The following KCNQ1 variants were observed in gnomAD, a reference collection of about 807,000 sequenced individuals.
KCNQ1 encodes the protein potassium voltage-gated channel subfamily KQT member 1.
In KCNQ1, 49 loss-of-function variants were observed where a neutral mutation model predicts 72.4. The ratio of observed to expected loss-of-function variants is 0.68; its 90% CI spans 0.54 to 0.86. The LOEUF (loss-of-function observed/expected upper bound fraction) is 0.86, where lower values mean the gene tolerates loss of function less well. KCNQ1 is among the 40% of genes least tolerant of loss of function. KCNQ1 has a pLI of 0.00. For synonymous variants in KCNQ1, 450 were observed against 412.6 expected (o/e 1.09, Z -1.10); for missense variants, 790 against 945.1 (o/e 0.84, Z 2.15).
chr11:2,814,300 T>C (rs72844289), intron 15 of KCNQ1, among the ~76,000 whole-genome samples: 4,084 of 142,624 alleles, frequency 0.029, 76 homozygotes, highest in Middle Eastern at 0.058. Context: ...GATGGATGGA[T>C]GGATAGATGG....
At chr11:2,551,429 C>T (rs1847982304) in intron 2 of KCNQ1, among the ~76,000 whole-genome samples, 1 of 152,254 alleles carries the variant, frequency 6.6e-6, no homozygotes, top group Non-Finnish European at 1.5e-5. Flanking sequence ...GTCATGGTCT[C>T]TGCATTCAGC....
intron 1 of KCNQ1, among the ~76,000 whole-genome samples, chr11:2,522,139 G>A (rs997911487): frequency 8.5e-5 from 13 of 152,252 alleles, no homozygotes; most frequent in African/African-American, 3.1e-4. Context: ...CCTATTTGCT[G>A]TCAAGGGGAA....
At chr11:2,503,069 A>G (rs760742600) in intron 1 of KCNQ1, among the ~76,000 whole-genome samples, 3 of 152,252 alleles carry the variant, frequency 2.0e-5, no homozygotes, top group African/African-American at 4.8e-5. Flanking sequence ...TAAGACTTCA[A>G]ACTATGAAAC....
chr11:2,789,732 G>A (rs1846981928), intron 15 of KCNQ1, among the ~76,000 whole-genome samples: 1 of 152,238 alleles, frequency 6.6e-6, no homozygotes, highest in Non-Finnish European at 1.5e-5. Flanking sequence ...TCCACCATGA[G>A]TTCTCGCTTT....
chr11:2,632,725 C>A, intron 10 of KCNQ1: 1 of 398,328 alleles, frequency 2.5e-6, no homozygotes, highest in South Asian at 1.3e-4. Flanking sequence ...TATCCAAGTT[C>A]ATCCATGTTG....
chr11:2,777,611 C>T (rs1564889740), intron 14 of KCNQ1: 5 of 516,696 alleles, frequency 9.7e-6, no homozygotes, highest in Admixed American at 8.0e-5. Flanking sequence ...GCTGGTGTAA[C>T]GGAGCAGCGG....
rs1257806145 is a variant in KCNQ1, at chr11:2,769,624, G to C, written c.1590+705G>C. 6.6e-6 allele frequency among the ~76,000 whole-genome samples: 1 copy of C among 152,210 alleles called. No homozygotes were observed. The highest frequency in any genetic ancestry group is 6.5e-5 in the Admixed American group (1 of 15,284). Reference sequence around the variant, plus strand: ...ATTCCTCGGATGAAGGCGGTGGTGGGGGGTACTGAGTCCTGGCTTGGAAAT... The same window carrying C: ...ATTCCTCGGATGAAGGCGGTGGTGGCGGGTACTGAGTCCTGGCTTGGAAAT... On this transcript the variant is annotated intron_variant, in intron 12 of 15. Transcript: ENST00000155840. This position sits in a 1 kb window ranked among gnomAD's most constrained non-coding sequence, Gnocchi z 4.6.
intron 11 of KCNQ1, among the ~76,000 whole-genome samples, chr11:2,719,988 C>T (rs567461120): frequency 2.4e-4 from 36 of 152,346 alleles, no homozygotes; most frequent in Non-Finnish European, 4.0e-4. Flanking sequence ...CACGCCTGGG[C>T]GGAGGTGGAG....
chr11:2,455,288 C>T (rs188338715), intron 1 of KCNQ1, among the ~76,000 whole-genome samples: 21 of 152,016 alleles, frequency 1.4e-4, no homozygotes, highest in African/African-American at 2.2e-4. Flanking sequence ...TTAGTAGAGA[C>T]GGGGTTTCAC....
rs1851003013 is a variant in KCNQ1, at chr11:2,711,396, A to G, written c.1514+49315A>G. ...CTAATTGTTGCCCAAGTCTTTGCAC[A>G]TCCTGCATCCTGCCTGGAGTGTTCT... is the stretch of plus-strand genomic sequence containing the variant. On this transcript the variant is annotated intron_variant, in intron 11 of 15. Coordinates refer to ENST00000155840, the MANE Select transcript of KCNQ1 (RefSeq NM_000218.3). This position sits in a 1 kb window ranked among gnomAD's most constrained non-coding sequence, Gnocchi z 5.4. 6.6e-6 allele frequency among the ~76,000 whole-genome samples: 1 copy of G among 152,102 alleles called. No individual in the cohort carries two copies. Among genetic ancestry groups the G allele is most frequent in the Admixed American group, 6.5e-5 (1 of 15,268 alleles).
chr11:2,820,028 C>T (rs192725362), intron 15 of KCNQ1, among the ~76,000 whole-genome samples: 100 of 152,266 alleles, frequency 6.6e-4, no homozygotes, highest in African/African-American at 2.2e-3. Context: ...TTCAAACAAC[C>T]TGCATTTGGT....
At chr11:2,449,911 C>T (rs1432410003) in intron 1 of KCNQ1, among the ~76,000 whole-genome samples, 2 of 152,112 alleles carry the variant, frequency 1.3e-5, no homozygotes, top group East Asian at 1.9e-4. Flanking sequence ...AACAGGGCAG[C>T]GGGTCCAGGG....
intron 15 of KCNQ1, among the ~76,000 whole-genome samples, chr11:2,786,292 G>A (rs234873): frequency 0.5 from 75,279 of 151,860 alleles, 18,902 homozygotes; most frequent in Middle Eastern, 0.57. Context: ...CACTGTTACC[G>A]TTGAGAATGA....
At position 2,652,116 on chromosome 11, in the gene KCNQ1, T is replaced by A. The variant is rs564129805; in HGVS notation, c.1394-9845T>A. ...CCCCAGTTCTGGCCTGGCTGGGAGG[T>A]GGCCTGGGAAGGGACCTGTGTTTCT... On this transcript the variant is annotated intron_variant, in intron 10 of 15. Coordinates refer to ENST00000155840, the MANE Select transcript of KCNQ1 (RefSeq NM_000218.3). The surrounding 1 kb of genome is among the most constrained non-coding windows in gnomAD (Gnocchi z 5.9). 28 of 398,572 alleles carry A rather than the reference T, an allele frequency of 7.0e-5. No homozygotes were observed. In the Admixed American group the frequency reaches 1.2e-3, roughly 17 times the overall value. 24.7% of individuals were successfully genotyped at this position (398,572 alleles called of 1,614,324 possible).
At chr11:2,633,947 G>A (rs145710885) in intron 10 of KCNQ1, 31 of 398,546 alleles carry the variant, frequency 7.8e-5, no homozygotes, top group East Asian at 1.8e-4. Flanking sequence ...GAAAATCCAC[G>A]TATAAATGAA....
At position 2,536,735 on chromosome 11, in the gene KCNQ1, C is replaced by T. The variant is rs531720264; in HGVS notation, c.477+8717C>T. 1.9e-4 allele frequency among the ~76,000 whole-genome samples: 28 copies of T among 150,962 alleles called. No individual in the cohort carries two copies. Among genetic ancestry groups the T allele is most frequent in the East Asian group, 7.7e-4 (4 of 5,162 alleles). ...TGGGCCTATCTCCAGCCACGTGGGT[C>T]GCGAGAGTCGACCTGGGCTGCGTGA... On this transcript the variant is annotated intron_variant, in intron 2 of 15. Coordinates refer to ENST00000155840, the MANE Select transcript of KCNQ1 (RefSeq NM_000218.3). This position sits in a 1 kb window ranked among gnomAD's most constrained non-coding sequence, Gnocchi z 7.4.
In KCNQ1 at chr11:2,493,294, G is replaced by A. The variant is rs990422687; in HGVS notation, c.387-34634G>A. Among the ~76,000 whole-genome samples, 2 of 152,134 alleles carry A rather than the reference G, an allele frequency of 1.3e-5. No individual in the cohort carries two copies. Among genetic ancestry groups the A allele is most frequent in the Admixed American group, 6.5e-5 (1 of 15,276 alleles). The stretch of plus-strand genomic sequence containing the variant: ...GATTGCAAATATTTTCTCCCATTCT[G>A]TAGGTTGCCTATTCACTCTGATGCT... On this transcript the variant is annotated intron_variant, in intron 1 of 15. Coordinates refer to ENST00000155840, the MANE Select transcript of KCNQ1 (RefSeq NM_000218.3). This position sits in a 1 kb window ranked among gnomAD's most constrained non-coding sequence, Gnocchi z 5.3.
chr11:2,608,631 T>C lies in KCNQ1; in HGVS notation c.1393+19777T>C. 2.5e-6 allele frequency: 1 copy of C among 398,510 alleles called. No homozygotes were observed. The highest frequency in any genetic ancestry group is 4.4e-5 in the Admixed American group (1 of 22,728). 24.7% of individuals were successfully genotyped at this position (398,510 alleles called of 1,614,324 possible). A position where few individuals can be genotyped will look rare whatever the true frequency, so the allele number is the denominator to read the frequency against. Reference sequence around the variant, plus strand: ...TGTGCACCACAACACCAGCTGTTATTCAAAAAATATTTTGTAGAGATAGGG... The same window carrying C: ...TGTGCACCACAACACCAGCTGTTATCCAAAAAATATTTTGTAGAGATAGGG... On this transcript the variant is annotated intron_variant, in intron 10 of 15. Coordinates refer to ENST00000155840, the MANE Select transcript of KCNQ1 (RefSeq NM_000218.3). The surrounding 1 kb of genome is among the most constrained non-coding windows in gnomAD (Gnocchi z 4.6).
chr11:2,456,797 G>GA (rs1351804012), intron 1 of KCNQ1, among the ~76,000 whole-genome samples: 170 of 141,818 alleles, frequency 1.2e-3, no homozygotes, highest in African/African-American at 3.8e-3. Flanking sequence ...AAATTAGCCG[G>GA]GCGTGGGGGT....
Sources: gnomAD v4.1 joint callset for allele counts (sites outside exome capture counted in the v4.1 genomes callset) on GRCh38, gnomAD v4.1.1 for gene constraint, Gnocchi (gnomAD v3.1) non-coding constraint, MANE v1.5 for transcripts, NCBI Gene and HGNC (gene_info 2026-07-23, HGNC 2026-07-21) for gene names.